Variants in PKIB observed in about 807,000 individuals in gnomAD.
PKIB encodes the protein PKI-beta.
PKIB carries 2 observed loss-of-function variants against 4.5 expected under a neutral mutation model. That is an observed-to-expected ratio of 0.44 (90% confidence interval 0.18 to 1.39). PKIB has a LOEUF of 1.39. Ranked by LOEUF, PKIB falls within the 40% of genes most tolerant of loss-of-function variation. The probability of loss-of-function intolerance (pLI) is 0.27; values close to 1 mark genes in which losing one functional copy is unlikely to be tolerated. For synonymous variants in PKIB, 38 were observed against 36.0 expected (o/e 1.06, Z -0.20); for missense variants, 94 against 92.6 (o/e 1.02, Z -0.06).
At chr6:122,589,682 G>A (rs145359090) in intron 3 of PKIB, among the ~76,000 whole-genome samples, 2,419 of 152,220 alleles carry the variant, frequency 0.016, 70 homozygotes, top group African/African-American at 0.056. Context: ...TGCAGATGTG[G>A]GAAAAGAGGT....
intron 2 of PKIB, among the ~76,000 whole-genome samples, chr6:122,557,752 G>C (rs747115582): frequency 2.6e-5 from 4 of 152,144 alleles, no homozygotes; most frequent in Non-Finnish European, 4.4e-5. Flanking sequence ...GGGTAGATGT[G>C]CTGTCCTCAG....
At chr6:122,632,435 C>T (rs971830406) in intron 1 of PKIB, among the ~76,000 whole-genome samples, 1 of 152,130 alleles carries the variant, frequency 6.6e-6, no homozygotes, top group East Asian at 1.9e-4. Flanking sequence ...TGTAGACTGC[C>T]TGAGTGAAAG....
intron 2 of PKIB, among the ~76,000 whole-genome samples, chr6:122,534,000 A>G (rs1204485316): frequency 6.6e-6 from 1 of 151,034 alleles, no homozygotes. Flanking sequence ...CTACCCACTT[A>G]CCTCCTCTCT....
At chr6:122,608,288 C>G (rs1702774035), upstream of PKIB, among the ~76,000 whole-genome samples, 1 of 152,130 alleles carries the variant, frequency 6.6e-6, no homozygotes, top group Non-Finnish European at 1.5e-5. Flanking sequence ...AAGCTTGCTC[C>G]TTGTCTTTTC....
At chr6:122,584,807 T>A (rs957738342) in intron 2 of PKIB, among the ~76,000 whole-genome samples, 1 of 152,096 alleles carries the variant, frequency 6.6e-6, no homozygotes, top group African/African-American at 2.4e-5. Context: ...GTTACTGAGA[T>A]AGGACGTGGG....
At chr6:122,487,712 A>T (rs891015189) in intron 2 of PKIB, among the ~76,000 whole-genome samples, 1 of 152,178 alleles carries the variant, frequency 6.6e-6, no homozygotes, top group Non-Finnish European at 1.5e-5. Context: ...ATCTATTAAC[A>T]CTTTGATCAT....
At chr6:122,639,019 A>G (rs1483955548) in intron 2 of PKIB, among the ~76,000 whole-genome samples, 2 of 152,214 alleles carry the variant, frequency 1.3e-5, no homozygotes, top group African/African-American at 4.8e-5. Context: ...TACCACCACC[A>G]GAAAAAAGTC....
At position 122,693,497 on chromosome 6, in the gene PKIB, G is replaced by A. The variant is rs556017158; in HGVS notation, c.-9+18353G>A. Among the ~76,000 whole-genome samples, 50 of 152,324 alleles carry A rather than the reference G, an allele frequency of 3.3e-4. 1 individual carries two copies. Among genetic ancestry groups the A allele is most frequent in the African/African-American group, 1.2e-3 (49 of 41,576 alleles). ...TCAAAGGACAATATTTGAAAGATCT[G>A]ATGTGGAATGAACAAACTGGCAGGA... is the stretch of plus-strand genomic sequence containing the variant. On this transcript the variant is annotated intron_variant, in intron 3 of 4. Transcript: ENST00000368452.
intron 2 of PKIB, among the ~76,000 whole-genome samples, chr6:122,527,939 G>T (rs895657575): frequency 6.6e-6 from 1 of 152,078 alleles, no homozygotes; most frequent in African/African-American, 2.4e-5. Flanking sequence ...TTGATATTCT[G>T]TCTGGTTATT....
chr6:122,682,066 A>G (rs941404896), intron 3 of PKIB, among the ~76,000 whole-genome samples: 1 of 152,144 alleles, frequency 6.6e-6, no homozygotes, highest in Non-Finnish European at 1.5e-5. Context: ...TACTGCATGT[A>G]GACAATCACA....
At chr6:122,637,469 G>A (rs1016148724) in intron 2 of PKIB, among the ~76,000 whole-genome samples, 1 of 152,020 alleles carries the variant, frequency 6.6e-6, no homozygotes, top group African/African-American at 2.4e-5. Context: ...TAAAAATAAA[G>A]ATGAAGGCCA....
intron 2 of PKIB, among the ~76,000 whole-genome samples, chr6:122,642,602 G>C (rs1045087766): frequency 2.0e-5 from 3 of 152,170 alleles, no homozygotes; most frequent in Non-Finnish European, 2.9e-5. Flanking sequence ...CTAGGTAGGA[G>C]AATGTGGTCT....
chr6:122,497,904 A>T (rs1776121412), intron 2 of PKIB, among the ~76,000 whole-genome samples: 1 of 152,208 alleles, frequency 6.6e-6, no homozygotes, highest in Admixed American at 6.5e-5. Flanking sequence ...AACCAACCAC[A>T]GAATATACAT....
At chr6:122,500,849 A>G (rs1332117201) in intron 2 of PKIB, among the ~76,000 whole-genome samples, 1 of 152,176 alleles carries the variant, frequency 6.6e-6, no homozygotes, top group Non-Finnish European at 1.5e-5. Context: ...GCAGAAGGTG[A>G]AGGGGAAGCA....
At chr6:122,698,581 C>A (rs1406076561) in intron 3 of PKIB, among the ~76,000 whole-genome samples, 1 of 152,106 alleles carries the variant, frequency 6.6e-6, no homozygotes, top group African/African-American at 2.4e-5. Flanking sequence ...AGCCCATGAG[C>A]AACTTATGAC....
chr6:122,655,882 A>G (rs185847099), intron 2 of PKIB, among the ~76,000 whole-genome samples: 129 of 152,284 alleles, frequency 8.5e-4, no homozygotes, highest in Non-Finnish European at 1.5e-3. Context: ...TAAAATACTG[A>G]GAAAGAAGTA....
At chr6:122,682,957 G>T (rs1008934074) in intron 3 of PKIB, among the ~76,000 whole-genome samples, 1 of 152,172 alleles carries the variant, frequency 6.6e-6, no homozygotes, top group African/African-American at 2.4e-5. Context: ...GAGTTCATTG[G>T]TTGGGCCCAT....
chr6:122,530,849 A>C (rs1006867851), intron 2 of PKIB, among the ~76,000 whole-genome samples: 1 of 152,202 alleles, frequency 6.6e-6, no homozygotes, highest in Non-Finnish European at 1.5e-5. Context: ...ATTGTTCTGC[A>C]ATATGCCATT....
chr6:122,490,400 A>G (rs1775905063), intron 2 of PKIB, among the ~76,000 whole-genome samples: 2 of 152,186 alleles, frequency 1.3e-5, no homozygotes, highest in African/African-American at 2.4e-5. Flanking sequence ...TAGTAGTATT[A>G]TGGTTTGGAT....
Sources: gnomAD v4.1 joint callset for allele counts (sites outside exome capture counted in the v4.1 genomes callset) on GRCh38, gnomAD v4.1.1 for gene constraint, MANE v1.5 for transcripts, NCBI Gene and HGNC (gene_info 2026-07-23, HGNC 2026-07-21) for gene names.